The following GRID2 variants were observed in gnomAD, a reference collection of about 807,000 sequenced individuals.
GRID2 encodes glutamate ionotropic receptor delta type subunit 2, also known as glutamate receptor ionotropic, delta-2.
A neutral mutation model predicts 114.8 loss-of-function variants in GRID2; 33 were observed. The observed-to-expected ratio is 0.29, with a 90% CI of 0.22 to 0.38. GRID2 has a LOEUF of 0.38. GRID2 is among the 10% of genes least tolerant of loss of function. The probability of loss-of-function intolerance (pLI) is 1.00; values close to 1 mark genes in which losing one functional copy is unlikely to be tolerated. For missense variants in GRID2, 1,184 were observed against 1,257.7 expected, an observed-to-expected ratio of 0.94 and a Z score of 0.89; for synonymous variants, 505 against 449.9, an observed-to-expected ratio of 1.12 and a Z score of -1.55.
intron 2 of GRID2, among the ~76,000 whole-genome samples, chr4:93,079,279 T>G (rs1245406190): frequency 2.0e-5 from 3 of 152,032 alleles, no homozygotes; most frequent in Admixed American, 1.3e-4. Flanking sequence ...GAAATTTTCC[T>G]TTATAAACAC....
chr4:93,472,318 C>T (rs916809776), intron 11 of GRID2, among the ~76,000 whole-genome samples: 2 of 151,522 alleles, frequency 1.3e-5, no homozygotes, highest in African/African-American at 4.8e-5. Flanking sequence ...AGCAAAACTC[C>T]ATCTCAAAAA....
At chr4:93,627,601 G>C (rs1742841940) in intron 14 of GRID2, among the ~76,000 whole-genome samples, 2 of 152,190 alleles carry the variant, frequency 1.3e-5, no homozygotes, top group South Asian at 4.1e-4. Context: ...GTTGTGTTAT[G>C]CTTCAAGCTG....
At chr4:93,706,867 T>C (rs932590607) in intron 14 of GRID2, among the ~76,000 whole-genome samples, 1 of 152,162 alleles carries the variant, frequency 6.6e-6, no homozygotes, top group African/African-American at 2.4e-5. Context: ...ATAGCTTTTA[T>C]TGTATTGAGG....
chr4:93,700,494 A>T (rs1294510806), intron 14 of GRID2, among the ~76,000 whole-genome samples: 2 of 152,168 alleles, frequency 1.3e-5, no homozygotes. Flanking sequence ...AGTTGCAAAG[A>T]GTAGCTCATT....
chr4:93,595,750 A>C (rs1202553723), intron 13 of GRID2, among the ~76,000 whole-genome samples: 2 of 152,198 alleles, frequency 1.3e-5, no homozygotes, highest in Admixed American at 6.5e-5. Context: ...ATATTCTTCC[A>C]ATATTTTAAG....
intron 1 of GRID2, among the ~76,000 whole-genome samples, chr4:92,501,485 G>C (rs1243637927): frequency 6.6e-6 from 1 of 152,126 alleles, no homozygotes; most frequent in Non-Finnish European, 1.5e-5. Flanking sequence ...TCAACTAATG[G>C]GGGGTTTCAG....
chr4:93,244,335 G>T (rs990612811), intron 8 of GRID2, among the ~76,000 whole-genome samples: 3 of 151,580 alleles, frequency 2.0e-5, no homozygotes, highest in Admixed American at 6.6e-5. Flanking sequence ...TAAAATGTAC[G>T]TCAGAGATAT....
intron 2 of GRID2, among the ~76,000 whole-genome samples, chr4:92,867,924 A>G: frequency 6.6e-6 from 1 of 152,192 alleles, no homozygotes; most frequent in East Asian, 1.9e-4. Context: ...AATCCAGGTT[A>G]CATAAGCTTC....
intron 1 of GRID2, among the ~76,000 whole-genome samples, chr4:92,349,837 T>C (rs541289496): frequency 1.3e-5 from 2 of 151,916 alleles, no homozygotes; most frequent in South Asian, 4.2e-4. Context: ...AATGAAATAG[T>C]TTAAAAATTT....
chr4:92,428,082 G>C (rs1732246784), intron 1 of GRID2, among the ~76,000 whole-genome samples: 1 of 151,960 alleles, frequency 6.6e-6, no homozygotes, highest in Non-Finnish European at 1.5e-5. Context: ...CTAACACGGT[G>C]AAATCCCGTC....
chr4:92,950,378 G>T lies in GRID2; in HGVS notation c.245-134617G>T, dbSNP rs140097932. On this transcript the variant is annotated intron_variant, in intron 2 of 15. Coordinates refer to ENST00000282020, the MANE Select transcript of GRID2 (RefSeq NM_001510.4). ...TGGCAAAGACAGTGTAAATTATGGAGGATTTATGTACTATGGTAATAAATT... is the reference window on the plus strand; with the variant it reads ...TGGCAAAGACAGTGTAAATTATGGATGATTTATGTACTATGGTAATAAATT... 3.5e-3 allele frequency among the ~76,000 whole-genome samples: 539 copies of T among 152,210 alleles called. 3 individuals carry two copies. Among genetic ancestry groups the T allele is most frequent in the African/African-American group, 0.012 (514 of 41,542 alleles).
intron 4 of GRID2, among the ~76,000 whole-genome samples, chr4:93,136,210 G>C (rs1174281379): frequency 6.7e-6 from 1 of 150,210 alleles, no homozygotes; most frequent in Non-Finnish European, 1.5e-5. Flanking sequence ...AAACTATCCT[G>C]TGTTAAAAAT....
intron 1 of GRID2, among the ~76,000 whole-genome samples, chr4:92,456,504 T>C (rs1377443263): frequency 6.6e-6 from 1 of 152,120 alleles, no homozygotes; most frequent in Non-Finnish European, 1.5e-5. Flanking sequence ...ACCTACAGTG[T>C]TGGTGTTCAC....
rs140066992 is a variant in GRID2, at chr4:92,474,685, T to G, written c.89-115446T>G. 3.0e-3 allele frequency among the ~76,000 whole-genome samples: 456 copies of G among 152,170 alleles called. 1 individual carries two copies. The highest frequency in any genetic ancestry group is 0.01 in the African/African-American group (433 of 41,542). On this transcript the variant is annotated intron_variant, in intron 1 of 15. Transcript: ENST00000282020. The stretch of plus-strand genomic sequence containing the variant: ...CATTTCCTCACCAACAGTTATATTT[T>G]TTCCTTATTTACAATAGTGTGAAGT...
chr4:92,374,858 A>G (rs971428299), intron 1 of GRID2, among the ~76,000 whole-genome samples: 1 of 152,188 alleles, frequency 6.6e-6, no homozygotes, highest in African/African-American at 2.4e-5. Context: ...TAAAGTAGAA[A>G]TAAGGATGAA....
intron 11 of GRID2, among the ~76,000 whole-genome samples, chr4:93,481,362 T>C (rs1725844944): frequency 2.6e-5 from 4 of 152,100 alleles, no homozygotes; most frequent in Non-Finnish European, 5.9e-5. Context: ...AGATATCTTA[T>C]ATGGCAGAAG....
At chr4:93,191,620 C>A (rs1217800596) in intron 4 of GRID2, among the ~76,000 whole-genome samples, 1 of 151,936 alleles carries the variant, frequency 6.6e-6, no homozygotes, top group Non-Finnish European at 1.5e-5. Flanking sequence ...TAAAAAAAAT[C>A]TTACCTTTGG....
At chr4:93,304,080 T>C (rs1579606719) in intron 8 of GRID2, among the ~76,000 whole-genome samples, 3 of 151,504 alleles carry the variant, frequency 2.0e-5, no homozygotes, top group South Asian at 4.1e-4. Flanking sequence ...AAGGAAATTT[T>C]TAAAAATATA....
chr4:92,575,776 C>T (rs1328473092), intron 1 of GRID2, among the ~76,000 whole-genome samples: 1 of 152,164 alleles, frequency 6.6e-6, no homozygotes, highest in Non-Finnish European at 1.5e-5. Context: ...CTCGAAGGCC[C>T]ACAGTCTGGA....
Sources: allele counts gnomAD v4.1 joint callset (sites outside exome capture counted in the v4.1 genomes callset), GRCh38; gene constraint gnomAD v4.1.1; transcripts MANE v1.5; gene names NCBI Gene and HGNC (gene_info 2026-07-23, HGNC 2026-07-21).